The following KCNMB4 variants were observed in gnomAD, a reference collection of about 807,000 sequenced individuals.
KCNMB4 encodes potassium calcium-activated channel subfamily M regulatory beta subunit 4.
A neutral mutation model predicts 20.7 loss-of-function variants in KCNMB4; 3 were observed. The observed-to-expected ratio is 0.14, with a 90% CI of 0.07 to 0.37. The LOEUF (loss-of-function observed/expected upper bound fraction) is 0.37. KCNMB4 is among the 10% of genes least tolerant of loss of function. The pLI, the probability that KCNMB4 is intolerant of heterozygous loss-of-function variation, is 1.00. For missense variants in KCNMB4, 168 were observed against 265.9 expected, an observed-to-expected ratio of 0.63 and a Z score of 2.56; for synonymous variants, 110 against 113.4, an observed-to-expected ratio of 0.97 and a Z score of 0.19.
intron 2 of KCNMB4, among the ~76,000 whole-genome samples, chr12:70,403,890 G>A (rs1868524588): frequency 6.6e-6 from 1 of 152,166 alleles, no homozygotes; most frequent in Admixed American, 6.5e-5. Context: ...ACAATGTCTG[G>A]GTTTCAGGTA....
At chr12:70,403,458 A>C (rs1868512436) in intron 2 of KCNMB4, among the ~76,000 whole-genome samples, 1 of 151,952 alleles carries the variant, frequency 6.6e-6, no homozygotes, top group South Asian at 2.1e-4. Flanking sequence ...TCAGCCTCCC[A>C]AGTAGCTGGG....
Position 70,372,546 on chromosome 12 carries a change from G to A in KCNMB4, c.336+5476G>A, listed in dbSNP as rs377071162. On this transcript the variant is annotated intron_variant, in intron 1 of 2. Transcript: ENST00000258111. Reference sequence around the variant, plus strand: ...TTGGATATGAGGAATGAGGGAAAGAGGAGTTGAGAATGGCTCCAAAGTTTG... The same window carrying A: ...TTGGATATGAGGAATGAGGGAAAGAAGAGTTGAGAATGGCTCCAAAGTTTG... Among the ~76,000 whole-genome samples, 116 of 152,234 alleles carry A rather than the reference G, an allele frequency of 7.6e-4. 1 individual carries two copies. The highest frequency in any genetic ancestry group is 2.7e-3 in the African/African-American group (114 of 41,534).
At chr12:70,384,187 T>C (rs1256134285) in intron 1 of KCNMB4, among the ~76,000 whole-genome samples, 1 of 152,164 alleles carries the variant, frequency 6.6e-6, no homozygotes, top group African/African-American at 2.4e-5. Flanking sequence ...AACATTTTTA[T>C]ATGAAAAAAG....
intron 2 of KCNMB4, among the ~76,000 whole-genome samples, chr12:70,405,673 T>TAGAG (rs1277405030): frequency 6.6e-6 from 1 of 152,174 alleles, no homozygotes; most frequent in Non-Finnish European, 1.5e-5. Flanking sequence ...ATCTTGACTC[T>TAGAG]TCAAGATCCT....
rs139608158 is a variant in KCNMB4 at position 70,389,989 on chromosome 12, A to G, written c.337-10220A>G. On this transcript the variant is annotated intron_variant, in intron 1 of 2. Coordinates refer to ENST00000258111, the MANE Select transcript of KCNMB4 (RefSeq NM_014505.6). ...CACTCTAATCATGTTACTTGAAACAAGTTTACTATTTGTTAACCAGTGTCC... is the reference window on the plus strand; with the variant it reads ...CACTCTAATCATGTTACTTGAAACAGGTTTACTATTTGTTAACCAGTGTCC... 2.9e-3 allele frequency among the ~76,000 whole-genome samples: 437 copies of G among 152,314 alleles called. 2 individuals carry two copies. The highest frequency in any genetic ancestry group is 0.01 in the African/African-American group (427 of 41,564).
At chr12:70,401,226 A>T (rs530003531) in intron 2 of KCNMB4, among the ~76,000 whole-genome samples, 1 of 152,090 alleles carries the variant, frequency 6.6e-6, no homozygotes. Flanking sequence ...GGGTTTCACC[A>T]TGTTGACCAG....
chr12:70,374,441 A>T (rs1378727098), intron 1 of KCNMB4, among the ~76,000 whole-genome samples: 1 of 152,198 alleles, frequency 6.6e-6, no homozygotes, highest in Non-Finnish European at 1.5e-5. Context: ...TACTGAACAG[A>T]ATAGTTTTTA....
At position 70,432,579 on chromosome 12, in the gene KCNMB4, A is replaced by G. The variant is rs1274418407; in HGVS notation, c.*1926A>G. On this transcript the variant is annotated 3_prime_UTR_variant, in exon 3 of 3. Coordinates refer to ENST00000258111, the MANE Select transcript of KCNMB4 (RefSeq NM_014505.6). The stretch of plus-strand genomic sequence containing the variant: ...GTGTGCACCACCGTGCTTGGCTCCA[A>G]TAATTTTTTTTCTAATTCAAAAGTT... The G allele has an allele frequency of 5.3e-5, 8 of 152,082 alleles. No individual in the cohort carries two copies. The highest frequency in any genetic ancestry group is 2.0e-4 in the Admixed American group (3 of 15,260). The allele number at this position is 152,082 out of a possible 1,614,324, so 9.4% of individuals were successfully genotyped here.
intron 1 of KCNMB4, among the ~76,000 whole-genome samples, chr12:70,371,276 T>C (rs1883589496): frequency 6.6e-6 from 1 of 152,196 alleles, no homozygotes; most frequent in African/African-American, 2.4e-5. Flanking sequence ...AGAAATGCAT[T>C]AAGGAGAAGA....
chr12:70,375,520 G>A (rs981849593), intron 1 of KCNMB4, among the ~76,000 whole-genome samples: 13 of 151,892 alleles, frequency 8.6e-5, no homozygotes, highest in African/African-American at 2.7e-4. Flanking sequence ...ACATACACTG[G>A]TAGTCCTAGC....
chr12:70,391,113 A>G (rs1868295441), intron 1 of KCNMB4, among the ~76,000 whole-genome samples: 1 of 152,086 alleles, frequency 6.6e-6, no homozygotes, highest in South Asian at 2.1e-4. Context: ...ACCTTACATC[A>G]CAGTGACTCA....
chr12:70,404,643 G>T (rs12319193), intron 2 of KCNMB4, among the ~76,000 whole-genome samples: 7,323 of 152,242 alleles, frequency 0.048, 485 homozygotes, highest in East Asian at 0.33. Context: ...TAGCAACAAG[G>T]ATTATAGCAG....
intron 2 of KCNMB4, 81 bp from the exon 3 acceptor site, chr12:70,430,404 G>C: frequency 6.9e-7 from 1 of 1,439,724 alleles, no homozygotes; most frequent in Non-Finnish European, 9.6e-7. Flanking sequence ...TGGAAAGCAA[G>C]TTTGGCTTTA....
chr12:70,406,095 A>C (rs931239542), intron 2 of KCNMB4, among the ~76,000 whole-genome samples: 8 of 152,098 alleles, frequency 5.3e-5, no homozygotes, highest in African/African-American at 1.7e-4. Flanking sequence ...AGATTAAAAA[A>C]GTGGAATGGT....
intron 2 of KCNMB4, among the ~76,000 whole-genome samples, chr12:70,405,607 C>T (rs563853812): frequency 3.2e-4 from 48 of 152,308 alleles, no homozygotes; most frequent in African/African-American, 1.2e-3. Context: ...AGTAGAACTA[C>T]TGTATGATCC....
Position 70,433,340 on chromosome 12 carries a change from G to A in KCNMB4, c.*2687G>A, listed in dbSNP as rs746654910. On this transcript the variant is annotated 3_prime_UTR_variant, in exon 3 of 3. Coordinates refer to ENST00000258111, the MANE Select transcript of KCNMB4 (RefSeq NM_014505.6). The stretch of plus-strand genomic sequence containing the variant: ...ATCCAGAAGTGGCTTCATTTCACAA[G>A]GTATTCAAGGGATATAGGAGTCATC... The A allele has an allele frequency of 2.6e-5, 4 of 152,086 alleles. No individual in the cohort carries two copies. Among genetic ancestry groups the A allele is most frequent in the Non-Finnish European group, 4.4e-5 (3 of 68,028 alleles). The allele number at this position is 152,086 out of a possible 1,614,324, so 9.4% of individuals were successfully genotyped here.
At chr12:70,414,640 G>A (rs986752593) in intron 2 of KCNMB4, among the ~76,000 whole-genome samples, 3 of 152,178 alleles carry the variant, frequency 2.0e-5, no homozygotes, top group Non-Finnish European at 2.9e-5. Flanking sequence ...CTCAGTTAAC[G>A]ACATGGCATG....
At chr12:70,419,867 A>G (rs1002783013) in intron 2 of KCNMB4, among the ~76,000 whole-genome samples, 1 of 152,234 alleles carries the variant, frequency 6.6e-6, no homozygotes, top group African/African-American at 2.4e-5. Flanking sequence ...GGAACAGCAG[A>G]TAGTGGTGGA....
At chr12:70,430,404 G>A (rs774161491) in intron 2 of KCNMB4, 81 bp from the exon 3 acceptor site, 18 of 1,439,724 alleles carry the variant, frequency 1.3e-5, no homozygotes, top group Non-Finnish European at 1.6e-5. Context: ...TGGAAAGCAA[G>A]TTTGGCTTTA....
Sources: allele counts gnomAD v4.1 joint callset (sites outside exome capture counted in the v4.1 genomes callset), GRCh38; gene constraint gnomAD v4.1.1; transcripts MANE v1.5; gene names NCBI Gene and HGNC (gene_info 2026-07-23, HGNC 2026-07-21).